Variants in DPH6 observed in about 807,000 individuals in gnomAD.
DPH6 encodes the protein diphthine--ammonia ligase.
In DPH6, 33 loss-of-function variants were observed where a neutral mutation model predicts 38.2. That is an observed-to-expected ratio of 0.86 (90% CI 0.65 to 1.15). The LOEUF is 1.15. Ranked by LOEUF, DPH6 falls within the 50% of genes most tolerant of loss-of-function variation. DPH6 has a pLI of 0.00. For synonymous variants in DPH6, 108 were observed against 103.0 expected (o/e 1.05, Z -0.30); for missense variants, 325 against 320.0 (o/e 1.02, Z -0.12).
At chr15:35,224,100 G>GTTTTTTTTTTTTTTT (rs142813866) in intron 3 of DPH6, among the ~76,000 whole-genome samples, 1 of 88,890 alleles carries the variant, frequency 1.1e-5, no homozygotes, top group African/African-American at 4.0e-5. Context: ...CATGATTTTA[G>GTTTTTTTTTTTTTTT]TTTTTTTTTT....
In DPH6 at chr15:35,325,628, C is replaced by A. The variant is rs185422337; in HGVS notation, n.200+47893G>T. ...CTAAATCTGGAAGGTAAACAATAAA[C>A]TTTCTAGAAGATATCATAACATTTC... On this transcript the variant is annotated intron_variant and non_coding_transcript_variant, in intron 3 of 3. Transcript: ENST00000560386. Among the ~76,000 whole-genome samples, 827 of 119,100 alleles carry A rather than the reference C, an allele frequency of 6.9e-3. 9 individuals carry two copies. Among genetic ancestry groups the A allele is most frequent in the African/African-American group, 0.024 (760 of 31,834 alleles). The allele number at this position is 119,100 out of a possible 152,430, so 78.1% of individuals were successfully genotyped here. A position where few individuals can be genotyped will look rare whatever the true frequency, so the allele number is the denominator to read the frequency against.
intron 2 of DPH6, among the ~76,000 whole-genome samples, chr15:35,540,970 C>G (rs1222507741): frequency 3.9e-5 from 6 of 152,106 alleles, no homozygotes; most frequent in Non-Finnish European, 8.8e-5. Context: ...GAGTTTCTCT[C>G]TTTTGGTAAA....
rs1462139659 is a variant in DPH6 at position 35,471,510 on chromosome 15, C to CCT, written c.313-16691_313-16690insAG. 1.4e-4 allele frequency among the ~76,000 whole-genome samples: 22 copies of CCT among 152,032 alleles called. 1 individual carries two copies. Among genetic ancestry groups the CCT allele is most frequent in the Non-Finnish European group, 4.4e-5 (3 of 67,998 alleles). The stretch of plus-strand genomic sequence containing the variant: ...TCAAAATCAATCCCTCCACACCTCC[C>CCT]TACCTACCAAATAAATTTTTCTCTC... On this transcript the variant is annotated intron_variant, in intron 3 of 8. Coordinates refer to ENST00000256538, the MANE Select transcript of DPH6 (RefSeq NM_080650.4).
intron 5 of DPH6, among the ~76,000 whole-genome samples, chr15:35,423,790 T>G (rs2053535643): frequency 6.6e-6 from 1 of 151,710 alleles, no homozygotes. Flanking sequence ...CACATGTAGA[T>G]ATGGATAATT....
chr15:35,406,005 T>C (rs980015774), intron 6 of DPH6, among the ~76,000 whole-genome samples: 2 of 152,048 alleles, frequency 1.3e-5, no homozygotes, highest in Non-Finnish European at 2.9e-5. Context: ...GTTGAATTTA[T>C]TTTTCACGCA....
chr15:35,218,964 T>C (rs1232211529), exon 4 of DPH6: 2 of 152,174 alleles, frequency 1.3e-5, no homozygotes, highest in Admixed American at 6.5e-5. Flanking sequence ...ACTACTAAGA[T>C]GATAGTAGCT....
At chr15:35,522,414 A>C in intron 3 of DPH6, 1 of 778,150 alleles carries the variant, frequency 1.3e-6, no homozygotes, top group Non-Finnish European at 1.9e-6. Flanking sequence ...ACAGGACTGC[A>C]AGTGAATGAA....
the DPH6 span, among the ~76,000 whole-genome samples, chr15:35,184,082 T>C: frequency 1.3e-5 from 2 of 152,184 alleles, no homozygotes; most frequent in South Asian, 2.1e-4. Flanking sequence ...ATCCAATTCA[T>C]GGAGTTTCCA....
chr15:35,494,647 A>G (rs1052847635), intron 3 of DPH6, among the ~76,000 whole-genome samples: 3 of 152,110 alleles, frequency 2.0e-5, no homozygotes, highest in Admixed American at 6.5e-5. Context: ...CAAAACTTCA[A>G]TTGAACAATT....
At chr15:35,491,162 TAA>T (rs1281691248) in intron 3 of DPH6, among the ~76,000 whole-genome samples, 1 of 151,946 alleles carries the variant, frequency 6.6e-6, no homozygotes, top group Non-Finnish European at 1.5e-5. Context: ...AGCAGAAATT[TAA>T]AGAGAAATAC....
the DPH6 span, among the ~76,000 whole-genome samples, chr15:35,164,212 T>G: frequency 6.6e-6 from 1 of 151,878 alleles, no homozygotes; most frequent in African/African-American, 2.4e-5. Context: ...GATTGGACTC[T>G]TTGGGCAAAA....
the DPH6 span, among the ~76,000 whole-genome samples, chr15:35,170,480 T>A: frequency 2.0e-5 from 3 of 152,148 alleles, no homozygotes; most frequent in Non-Finnish European, 4.4e-5. Flanking sequence ...ACTTATGTGT[T>A]TGGAGCATGA....
intron 3 of DPH6, among the ~76,000 whole-genome samples, chr15:35,333,910 G>T (rs1424257698): frequency 6.6e-6 from 1 of 152,118 alleles, no homozygotes; most frequent in Non-Finnish European, 1.5e-5. Flanking sequence ...TAAAGAAAAT[G>T]TGGTACATAT....
At chr15:35,466,891 C>T (rs1018726725) in intron 3 of DPH6, among the ~76,000 whole-genome samples, 1 of 152,084 alleles carries the variant, frequency 6.6e-6, no homozygotes, top group Non-Finnish European at 1.5e-5. Context: ...ACAAATGATA[C>T]ACCTTTAAAG....
rs547252799 is a variant in DPH6, at chr15:35,239,403, C to G, written n.201-18821G>C. Among the ~76,000 whole-genome samples the G allele has an allele frequency of 6.9e-5, 10 of 144,378 alleles. 2 individuals are homozygous for G. The highest frequency in any genetic ancestry group is 2.5e-4 in the African/African-American group (10 of 40,018). The allele number at this position is 144,378 out of a possible 152,430, so 94.7% of individuals were successfully genotyped here. A position where few individuals can be genotyped will look rare whatever the true frequency, so the allele number is the denominator to read the frequency against. On this transcript the variant is annotated intron_variant and non_coding_transcript_variant, in intron 3 of 3. Transcript: ENST00000560386. ...CGGCGCCGGTCACGGACTGGGAAGGCAGCCTTCCCTTGGTGTTTAATCATT... is the reference window on the plus strand; with the variant it reads ...CGGCGCCGGTCACGGACTGGGAAGGGAGCCTTCCCTTGGTGTTTAATCATT...
intron 6 of DPH6, among the ~76,000 whole-genome samples, chr15:35,392,517 A>T (rs372204238): frequency 1.6e-4 from 25 of 152,280 alleles, no homozygotes; most frequent in Non-Finnish European, 3.2e-4. Context: ...TATTCTTAAC[A>T]TAGAAGATAA....
chr15:35,253,030 G>A (rs1449928951), intron 3 of DPH6, among the ~76,000 whole-genome samples: 2 of 152,162 alleles, frequency 1.3e-5, no homozygotes, highest in East Asian at 1.9e-4. Context: ...TATCTCTGAC[G>A]TCTCACTATT....
exon 4 of DPH6, chr15:35,218,069 T>G (rs984821385): frequency 6.6e-5 from 10 of 152,138 alleles, no homozygotes; most frequent in African/African-American, 2.4e-4. Context: ...TTCAAATATT[T>G]TCAGTCCTCG....
At chr15:35,310,899 A>G (rs2052135861) in intron 3 of DPH6, among the ~76,000 whole-genome samples, 1 of 151,748 alleles carries the variant, frequency 6.6e-6, no homozygotes, top group Admixed American at 6.6e-5. Flanking sequence ...AAAATACAAA[A>G]AAAAAAAAAA....
Sources: gnomAD v4.1 joint callset for allele counts (sites outside exome capture counted in the v4.1 genomes callset) on GRCh38, gnomAD v4.1.1 for gene constraint, MANE v1.5 for transcripts, NCBI Gene and HGNC (gene_info 2026-07-23, HGNC 2026-07-21) for gene names.